CALHM2: variants seen among roughly 807,000 people sequenced by gnomAD.
CALHM2 encodes the protein calcium homeostasis modulator family member 2, also known as calcium homeostasis modulator protein 2.
CALHM2 carries 18 observed loss-of-function variants against 20.4 expected under a neutral mutation model. The ratio of observed to expected loss-of-function variants is 0.88; its 90% CI spans 0.61 to 1.31. The LOEUF is 1.31. CALHM2 is among the 50% of genes most tolerant of loss of function. CALHM2 has a pLI of 0.00. For synonymous variants in CALHM2, 193 were observed against 192.1 expected, an observed-to-expected ratio of 1.00 and a Z score of -0.04; for missense variants, 411 against 435.7, an observed-to-expected ratio of 0.94 and a Z score of 0.50.
chr10:103,447,235 T>G lies in CALHM2; in HGVS notation c.889A>C (p.Ser297Arg), dbSNP rs1403066563. 1 of 1,614,066 alleles carries G rather than the reference T, an allele frequency of 6.2e-7. No homozygotes were observed. Among genetic ancestry groups the G allele is most frequent in the Non-Finnish European group, 8.5e-7 (1 of 1,180,040 alleles). Reference sequence around the variant, plus strand: ...CCCTGGGCCCACTTGTGCAGGCGGCTGTAGAGTGGGAGGCCCTGGTTCTCA... The same window carrying G: ...CCCTGGGCCCACTTGTGCAGGCGGCGGTAGAGTGGGAGGCCCTGGTTCTCA... ...YRENQGLPLY[S>R]RLHKWAQGLA... The change falls in exon 4 of 4, where the codon AGC becomes CGC. Residue 297 changes from serine (S) to arginine (R), a missense_variant. Transcript: ENST00000260743.
intron 2 of CALHM2, 36 bp downstream of exon 2, chr10:103,451,047 C>G (rs1328144990): frequency 6.6e-6 from 1 of 152,194 alleles, no homozygotes; most frequent in Admixed American, 6.5e-5. Context: ...TGATTCTGCA[C>G]TAAGTGAACC....
In CALHM2 at chr10:103,447,130, A is replaced by G. The variant is rs748910135; in HGVS notation, c.*22T>C. ...TTTGGGACCAAGTAGTGCCATTTAC[A>G]AAGAGCATGGGAAGCACCTCCTTAG... is the stretch of plus-strand genomic sequence containing the variant. On this transcript the variant is annotated 3_prime_UTR_variant, in exon 4 of 4. Transcript: ENST00000260743. The G allele has an allele frequency of 6.4e-7, 1 of 1,566,234 alleles. No homozygotes were observed. The highest frequency in any genetic ancestry group is 8.7e-7 in the Non-Finnish European group (1 of 1,153,968).
At chr10:103,452,108 C>G (rs1483024526) in intron 1 of CALHM2, 48 bp downstream of exon 1, 1 of 152,398 alleles carries the variant, frequency 6.6e-6, no homozygotes, top group Non-Finnish European at 1.5e-5. Flanking sequence ...CAGGCCCCAC[C>G]ATGCTCCGCT....
Position 103,449,409 on chromosome 10 carries a change from C to T in CALHM2, c.533G>A (p.Arg178His), listed in dbSNP as rs139579411. ...TACCTGGGACTCATACCTGAGCCTG[C>T]GGCTGACCTCCTCCCGGAAGTCTGA... ...NLSDFREEVS[R>H]RLRYESQLFG... Residue 178 changes from arginine (R) to histidine (H), a missense_variant, in exon 3 of 4, where the codon CGC (arginine) becomes CAC (histidine). Arg to His is a conservative substitution (Grantham distance 29). Transcript: ENST00000260743. 82 of 1,612,862 alleles carry T rather than the reference C, an allele frequency of 5.1e-5. No individual in the cohort carries two copies. The Middle Eastern group carries it at 6.6e-4, about 13-fold the overall frequency.
Position 103,447,569 on chromosome 10 carries a change from C to G in CALHM2, c.556-1G>C, listed in dbSNP as rs1011147251. ...CGCCGATGAGCAGCCATCCAAAGAGCTGGCCAGAGAATGGGCACAGTTCAG... is the reference window on the plus strand; with the variant it reads ...CGCCGATGAGCAGCCATCCAAAGAGGTGGCCAGAGAATGGGCACAGTTCAG... On this transcript the variant is annotated splice_acceptor_variant, in intron 3 of 3. Coordinates refer to ENST00000260743, the MANE Select transcript of CALHM2 (RefSeq NM_015916.5). LOFTEE classifies it high-confidence loss of function. 1.3e-6 allele frequency: 2 copies of G among 1,585,174 alleles called. No homozygotes were observed. Among genetic ancestry groups the G allele is most frequent in the Admixed American group, 3.4e-5 (2 of 58,534 alleles).
chr10:103,449,854 G>A lies in CALHM2; in HGVS notation c.88C>T (p.Leu30=). The A allele has an allele frequency of 1.2e-6, 2 of 1,613,318 alleles. No individual in the cohort carries two copies. Among genetic ancestry groups the A allele is most frequent in the Non-Finnish European group, 1.7e-6 (2 of 1,180,002 alleles). ...AGCTCCTGGCTGCCCACCGTGCCCA[G>A]TGCCACCAGGCCGTTGAAAATCATC... ...DVMIFNGLVA[L]GTVGSQELFS... is the part of the protein sequence containing the mutation. The change falls in exon 3 of 4, where the codon CTG becomes TTG. Residue 30 remains leucine (L), a synonymous_variant. Coordinates refer to ENST00000260743, the MANE Select transcript of CALHM2 (RefSeq NM_015916.5).
Position 103,450,010 on chromosome 10 carries a change from G to A in CALHM2, c.-69C>T. 1 of 1,447,904 alleles carries A rather than the reference G, an allele frequency of 6.9e-7. No individual in the cohort carries two copies. Among genetic ancestry groups the A allele is most frequent in the Non-Finnish European group, 9.5e-7 (1 of 1,055,006 alleles). The allele number at this position is 1,447,904 out of a possible 1,614,324, so 89.7% of individuals were successfully genotyped here. The stretch of plus-strand genomic sequence containing the variant: ...GGAGACGGGATTGATGGTTGCTGGT[G>A]GTACTAGGAAGGGGCACAGGCTGGG... On this transcript the variant is annotated 5_prime_UTR_variant, in exon 3 of 4. Transcript: ENST00000260743.
chr10:103,447,811 A>G (rs780793723), intron 3 of CALHM2, among the ~76,000 whole-genome samples: 4 of 152,308 alleles, frequency 2.6e-5, no homozygotes, highest in Non-Finnish European at 4.4e-5. Context: ...ATCTCAGGCC[A>G]TCAAAACCCA....
At position 103,449,990 on chromosome 10, in the gene CALHM2, C is replaced by T. The variant is rs935008640; in HGVS notation, c.-49G>A. The T allele has an allele frequency of 7.1e-6, 11 of 1,543,716 alleles. No homozygotes were observed. The highest frequency in any genetic ancestry group is 4.5e-5 in the East Asian group (2 of 44,422). On this transcript the variant is annotated 5_prime_UTR_variant, in exon 3 of 4. Coordinates refer to ENST00000260743, the MANE Select transcript of CALHM2 (RefSeq NM_015916.5). Reference sequence around the variant, plus strand: ...TTGCAGGAGAGGAGGCAGGAGGAGACGGGATTGATGGTTGCTGGTGGTACT... The same window carrying T: ...TTGCAGGAGAGGAGGCAGGAGGAGATGGGATTGATGGTTGCTGGTGGTACT...
intron 3 of CALHM2, chr10:103,449,143 T>G (rs913035059): frequency 5.8e-6 from 3 of 515,624 alleles, no homozygotes; most frequent in African/African-American, 5.8e-5. Flanking sequence ...TGTTTAAAAC[T>G]AATTTGGTCA....
rs370924724 is a variant in CALHM2 at position 103,447,518 on chromosome 10, G to A, written c.606C>T (p.Thr202=). The A allele has an allele frequency of 1.3e-5, 21 of 1,610,088 alleles. No homozygotes were observed. In the African/African-American group the frequency reaches 2.7e-4, roughly 20 times the overall value. Residue 202 remains threonine, a synonymous_variant, in exon 4 of 4, where the codon ACC becomes ACT. Transcript: ENST00000260743. The part of the protein sequence containing the change: ...IGVVAILVFL[T]KCLKHYCSPL... ...GTGAGCAGTAATGCTTGAGGCACTT[G>A]GTCAGGAACACCAGGATGGCCACCA... is the stretch of plus-strand genomic sequence containing the variant.
Position 103,447,429 on chromosome 10 carries a change from TG to T in CALHM2, c.694del (p.Gln232SerfsTer32). 1 of 1,614,206 alleles carries T rather than the reference TG, an allele frequency of 6.2e-7. No individual in the cohort carries two copies. Among genetic ancestry groups the T allele is most frequent in the East Asian group, 2.2e-5 (1 of 44,878 alleles). On this transcript the variant is annotated frameshift_variant, in exon 4 of 4. Coordinates refer to ENST00000260743, the MANE Select transcript of CALHM2 (RefSeq NM_015916.5). LOFTEE classifies it high-confidence loss of function. ...QYRANEDQLF[Q>X]RTAEVHSRVL... Reference sequence around the variant, plus strand: ...CCGAGAGTGCACCTCGGCCGTGCGCTGGAACAGCTGGTCCTCATTGGCGCGG... The same window carrying T: ...CCGAGAGTGCACCTCGGCCGTGCGCTGAACAGCTGGTCCTCATTGGCGCGG...
Position 103,449,949 on chromosome 10 carries a change from G to T in CALHM2, c.-8C>A. The T allele has an allele frequency of 1.2e-6, 2 of 1,604,736 alleles. No homozygotes were observed. Among genetic ancestry groups the T allele is most frequent in the Non-Finnish European group, 1.7e-6 (2 of 1,174,132 alleles). On this transcript the variant is annotated 5_prime_UTR_variant, in exon 3 of 4. Transcript: ENST00000260743. ...TGCGATCAGGGCTGCCATGGCGATA[G>T]TCGTGGCGGGGTGGATTGCAGGAGA...
In CALHM2 at chr10:103,450,090, C is replaced by G; in HGVS notation, c.-149G>C. ...TATTTTATCCCCAGCTGTGGTTGGC[C>G]TGGTGTTTCCTGTGGAGCAGATGAC... On this transcript the variant is annotated 5_prime_UTR_variant, in exon 3 of 4. Transcript: ENST00000260743. 3.1e-5 allele frequency: 21 copies of G among 671,484 alleles called. No individual in the cohort carries two copies. Among genetic ancestry groups the G allele is most frequent in the Non-Finnish European group, 5.0e-5 (20 of 396,374 alleles). The allele number at this position is 671,484 out of a possible 1,614,324, so 41.6% of individuals were successfully genotyped here. A position where few individuals can be genotyped will look rare whatever the true frequency, so the allele number is the denominator to read the frequency against.
rs769645781 is a variant in CALHM2, at chr10:103,449,875, T to C, written c.67A>G (p.Ile23Val). 1.2e-6 allele frequency: 2 copies of C among 1,612,174 alleles called. No homozygotes were observed. Among genetic ancestry groups the C allele is most frequent in the Non-Finnish European group, 1.7e-6 (2 of 1,179,906 alleles). Reference protein sequence around the residue: ...SLFFKSKDVMIFNGLVALGTV... With the variant: ...SLFFKSKDVMVFNGLVALGTV... ...CCCAGTGCCACCAGGCCGTTGAAAA[T>C]CATCACATCCTTGCTCTTGAAGAAA... The change falls in exon 3 of 4, where the codon ATT becomes GTT. Residue 23 changes from isoleucine (I) to valine (V), a missense_variant. Physicochemically the swap from Ile to Val is conservative, Grantham distance 29. Coordinates refer to ENST00000260743, the MANE Select transcript of CALHM2 (RefSeq NM_015916.5).
chr10:103,449,727 C>T lies in CALHM2; in HGVS notation c.215G>A (p.Gly72Asp). Residue 72 changes from glycine (G) to aspartate (D), a missense_variant, in exon 3 of 4, where the codon GGC (glycine) becomes GAC (aspartate). Gly to Asp is a moderately conservative substitution (Grantham distance 94, BLOSUM62 -1). Coordinates refer to ENST00000260743, the MANE Select transcript of CALHM2 (RefSeq NM_015916.5). ...GVPALVLFIIGIILNNHTWNL... is the reference protein window; with the variant it reads ...GVPALVLFIIDIILNNHTWNL... ...CCAGGTGTGGTTGTTGAGGATGATG[C>T]CAATGATGAAGAGCACCAGGGCGGG... 1 of 1,613,662 alleles carries T rather than the reference C, an allele frequency of 6.2e-7. No homozygotes were observed. The highest frequency in any genetic ancestry group is 8.5e-7 in the Non-Finnish European group (1 of 1,180,036).
chr10:103,448,216 G>T (rs1182100232), intron 3 of CALHM2, among the ~76,000 whole-genome samples: 2 of 150,892 alleles, frequency 1.3e-5, no homozygotes, highest in East Asian at 4.0e-4. Flanking sequence ...GCGTGATCTT[G>T]GCTCACTGCA....
intron 3 of CALHM2, 59 bp from the exon 4 acceptor site, chr10:103,447,627 CA>C (rs2032724412): frequency 4.2e-6 from 6 of 1,417,166 alleles, no homozygotes; most frequent in Non-Finnish European, 4.7e-6. Flanking sequence ...CCCTACCCCC[CA>C]GAGCGAATGG....
chr10:103,447,594 G>T (rs760411601), intron 3 of CALHM2, 26 bp from the exon 4 acceptor site: 1 of 1,544,728 alleles, frequency 6.5e-7, no homozygotes, highest in African/African-American at 1.4e-5. Context: ...GCACAGTTCA[G>T]GAGGGGCGAG....
Sources: gnomAD v4.1 joint callset for allele counts (sites outside exome capture counted in the v4.1 genomes callset) on GRCh38, gnomAD v4.1.1 for gene constraint, MANE v1.5 for transcripts, NCBI Gene and HGNC (gene_info 2026-07-23, HGNC 2026-07-21) for gene names.